CSTF2T: variants seen among roughly 807,000 people sequenced by gnomAD.
The protein encoded by CSTF2T is CF-1 64 kDa subunit tau.
CSTF2T carries 18 observed loss-of-function variants against 39.9 expected under a neutral mutation model. The ratio of observed to expected loss-of-function variants is 0.45; its 90% CI spans 0.31 to 0.67. CSTF2T has a LOEUF of 0.67. CSTF2T is among the 30% of genes least tolerant of loss of function. The probability of loss-of-function intolerance (pLI) is 0.06; values close to 1 mark genes in which losing one functional copy is unlikely to be tolerated. For missense variants in CSTF2T, 681 were observed against 789.0 expected (o/e 0.86, Z 1.64); for synonymous variants, 291 against 276.4 (o/e 1.05, Z -0.52).
rs1841346984 is a variant in CSTF2T, at chr10:51,697,977, C to G, written c.1573G>C (p.Gly525Arg). Residue 525 changes from glycine (G) to arginine (R), a missense_variant, in exon 1 of 1, where the codon GGA becomes CGA. Gly to Arg is a moderately radical substitution (Grantham distance 125, BLOSUM62 -2). This residue lies in a region of CSTF2T where 282 missense variants were observed against 289.2 expected (regional missense o/e 0.98). Transcript: ENST00000331173. ...GTGMQGAGIQ[G>R]GGMQGAGIQG... ...ATGCCTGCCCCCTGCATCCCTCCTC[C>G]TTGTATGCCTGCTCCCTGCATGCCT... 1 of 1,607,264 alleles carries G rather than the reference C, an allele frequency of 6.2e-7. No individual in the cohort carries two copies. The highest frequency in any genetic ancestry group is 8.5e-7 in the Non-Finnish European group (1 of 1,176,684).
Position 51,698,659 on chromosome 10 carries a change from T to G in CSTF2T, c.891A>C (p.Pro297=), listed in dbSNP as rs1316785292. 1 of 1,614,094 alleles carries G rather than the reference T, an allele frequency of 6.2e-7. No homozygotes were observed. The highest frequency in any genetic ancestry group is 8.5e-7 in the Non-Finnish European group (1 of 1,180,040). The change falls in exon 1 of 1, where the codon CCA becomes CCC. Residue 297 remains proline, a synonymous_variant. Coordinates refer to ENST00000331173, the MANE Select transcript of CSTF2T (RefSeq NM_015235.3). The part of the protein sequence containing the change: ...QPQLGMPGVG[P]VPLERGQVQM... The stretch of plus-strand genomic sequence containing the variant: ...GCACTTGTCCCCGCTCTAAAGGCAC[T>G]GGGCCAACCCCTGGCATTCCAAGTT...
rs770916281 is a variant in CSTF2T, at chr10:51,698,979, G to A, written c.571C>T (p.Leu191=). Residue 191 remains leucine (L), a synonymous_variant, in exon 1 of 1, where the codon CTG becomes TTG. Coordinates refer to ENST00000331173, the MANE Select transcript of CSTF2T (RefSeq NM_015235.3). ...GGTGTGACATGTATCTTCCGATGCA[G>A]AATTTTCAGAGCAATCTCTGGATCC... ...IMDPEIALKI[L]HRKIHVTPLI... is the part of the protein sequence containing the mutation. The A allele has an allele frequency of 1.2e-5, 19 of 1,614,134 alleles. No homozygotes were observed. The highest frequency in any genetic ancestry group is 1.6e-5 in the Non-Finnish European group (19 of 1,180,054).
Position 51,698,947 on chromosome 10 carries a change from G to C in CSTF2T, c.603C>G (p.Ile201Met). The change falls in exon 1 of 1, where the codon ATC becomes ATG. Residue 201 changes from isoleucine (I) to methionine (M), a missense_variant. Around this residue, in one of 4 missense-constraint regions of CSTF2T, gnomAD observed 329 missense variants for 344.1 expected, o/e 0.96. Transcript: ENST00000331173. ...LHRKIHVTPLIPGKSQSVSVS... is the reference protein window; with the variant it reads ...LHRKIHVTPLMPGKSQSVSVS... ...CAGACACAGACTGAGATTTGCCTGG[G>C]ATCAGTGGTGTGACATGTATCTTCC... The C allele has an allele frequency of 6.2e-7, 1 of 1,614,242 alleles. No homozygotes were observed. Among genetic ancestry groups the C allele is most frequent in the Non-Finnish European group, 8.5e-7 (1 of 1,180,044 alleles).
chr10:51,698,724 C>A lies in CSTF2T; in HGVS notation c.826G>T (p.Gly276Cys). Reference protein sequence around the residue: ...GPIPAAVPGAGPGSLTPGGAM... With the variant: ...GPIPAAVPGACPGSLTPGGAM... ...CCTCCAGGAGTTAAGGAACCAGGAC[C>A]AGCTCCGGGAACTGCAGCTGGTATT... Residue 276 changes from glycine (G) to cysteine (C), a missense_variant, in exon 1 of 1, where the codon GGT becomes TGT. Around this residue, in one of 4 missense-constraint regions of CSTF2T, gnomAD observed 329 missense variants for 344.1 expected, o/e 0.96. Coordinates refer to ENST00000331173, the MANE Select transcript of CSTF2T (RefSeq NM_015235.3). 6.2e-7 allele frequency: 1 copy of A among 1,614,194 alleles called. No individual in the cohort carries two copies. Among genetic ancestry groups the A allele is most frequent in the Non-Finnish European group, 8.5e-7 (1 of 1,180,030 alleles).
rs753137311 is a variant in CSTF2T, at chr10:51,698,477, G to A, written c.1073C>T (p.Pro358Leu). ...ATGATGCATGGGGGGACCCTGATGG[G>A]GTGGACCCAGATAACCTCTGGGCTC... ...EVEPRGYLGP[P>L]HQGPPMHHAS... is the part of the protein sequence containing the mutation. The change falls in exon 1 of 1, where the codon CCC becomes CTC. Residue 358 changes from proline (P) to leucine (L), a missense_variant. Around this residue, in one of 4 missense-constraint regions of CSTF2T, gnomAD observed 329 missense variants for 344.1 expected, o/e 0.96. Transcript: ENST00000331173. 2.5e-6 allele frequency: 4 copies of A among 1,613,952 alleles called. No individual in the cohort carries two copies. Among genetic ancestry groups the A allele is most frequent in the African/African-American group, 2.7e-5 (2 of 74,926 alleles).
At position 51,698,098 on chromosome 10, in the gene CSTF2T, C is replaced by T. The variant is rs1382377739; in HGVS notation, c.1452G>A (p.Gly484=). The T allele has an allele frequency of 3.1e-6, 5 of 1,613,946 alleles. No individual in the cohort carries two copies. The Admixed American group carries it at 5.0e-5, about 16-fold the overall frequency. The stretch of plus-strand genomic sequence containing the variant: ...TGGGTCCCTGAGGAGGGCCACCTGC[C>T]CCTATATTAATGGGACCAGGACCCT... ...GIQGPGPINI[G]AGGPPQGPRQ... The change falls in exon 1 of 1, where the codon GGG becomes GGA. Residue 484 remains glycine, a synonymous_variant. Transcript: ENST00000331173.
Position 51,697,931 on chromosome 10 carries a change from C to T in CSTF2T, c.1619G>A (p.Gly540Glu). 3 of 1,599,914 alleles carry T rather than the reference C, an allele frequency of 1.9e-6. No homozygotes were observed. The highest frequency in any genetic ancestry group is 2.6e-6 in the Non-Finnish European group (3 of 1,172,786). The stretch of plus-strand genomic sequence containing the variant: ...TATACCTCCTCCTTGTATACCTCCT[C>T]CTTGTATACTGACTCCTTGTATGCC... Reference protein sequence around the residue: ...GAGIQGVSIQGGGIQGGGIQG... With the variant: ...GAGIQGVSIQEGGIQGGGIQG... Residue 540 changes from glycine to glutamate, a missense_variant, in exon 1 of 1, where the codon GGA becomes GAA. Transcript: ENST00000331173.
In CSTF2T at chr10:51,698,711, A is replaced by G; in HGVS notation, c.839T>C (p.Leu280Ser). Residue 280 changes from leucine (L) to serine (S), a missense_variant, in exon 1 of 1, where the codon TTA becomes TCA. Physicochemically the swap from Leu to Ser is moderately radical, Grantham distance 145. Coordinates refer to ENST00000331173, the MANE Select transcript of CSTF2T (RefSeq NM_015235.3). ...AAVPGAGPGS[L>S]TPGGAMQPQL... ...GGGCTGCATTGCTCCTCCAGGAGTT[A>G]AGGAACCAGGACCAGCTCCGGGAAC... The G allele has an allele frequency of 1.9e-6, 3 of 1,614,202 alleles. No individual in the cohort carries two copies. The highest frequency in any genetic ancestry group is 2.5e-6 in the Non-Finnish European group (3 of 1,180,036).
rs1841379791 is a variant in CSTF2T at position 51,698,795 on chromosome 10, G to A, written c.755C>T (p.Pro252Leu). ...ACCCTGGATAGGAGTCTGCATCAGA[G>A]GAGGAATGTCCTTCACAGGTCTTCT... Reference protein sequence around the residue: ...LARRPVKDIPPLMQTPIQGGI... With the variant: ...LARRPVKDIPLLMQTPIQGGI... The change falls in exon 1 of 1, where the codon CCT (proline) becomes CTT (leucine). Residue 252 changes from proline (P) to leucine (L), a missense_variant. Pro to Leu is a moderately conservative substitution (Grantham distance 98, BLOSUM62 -3). Transcript: ENST00000331173. 1.2e-6 allele frequency: 2 copies of A among 1,614,194 alleles called. No homozygotes were observed. Among genetic ancestry groups the A allele is most frequent in the Non-Finnish European group, 1.7e-6 (2 of 1,180,052 alleles).
Position 51,699,451 on chromosome 10 carries a change from C to T in CSTF2T, c.99G>A (p.Lys33=). Residue 33 remains lysine, a synonymous_variant, in exon 1 of 1, where the codon AAG becomes AAA. Coordinates refer to ENST00000331173, the MANE Select transcript of CSTF2T (RefSeq NM_015235.3). The part of the protein sequence containing the change: ...IPYEATEEQL[K]DIFSEVGSVV... ...CAGAACCAACCTCCGAGAAAATGTC[C>T]TTTAACTGCTCCTCAGTTGCCTCAT... The T allele has an allele frequency of 6.2e-7, 1 of 1,614,036 alleles. No individual in the cohort carries two copies. Among genetic ancestry groups the T allele is most frequent in the East Asian group, 2.2e-5 (1 of 44,850 alleles).
In CSTF2T at chr10:51,699,024, G is replaced by A; in HGVS notation, c.526C>T (p.Gln176Ter). ...PQLAYALLQA[Q>*]VVMRIMDPEI... ...GGATCCATGATTCTCATCACTACTTGTGCCTGCAACAGTGCATAAGCCAGT... is the reference window on the plus strand; with the variant it reads ...GGATCCATGATTCTCATCACTACTTATGCCTGCAACAGTGCATAAGCCAGT... The change falls in exon 1 of 1, where the codon CAA becomes TAA. Residue 176 changes from glutamine (Q) to a stop codon, truncating the protein, a stop_gained. Transcript: ENST00000331173. LOFTEE classifies it high-confidence loss of function. 2 of 1,614,210 alleles carry A rather than the reference G, an allele frequency of 1.2e-6. No homozygotes were observed. The highest frequency in any genetic ancestry group is 1.7e-6 in the Non-Finnish European group (2 of 1,180,048).
chr10:51,697,674 A>T lies in CSTF2T; in HGVS notation c.*25T>A. 3.7e-6 allele frequency: 6 copies of T among 1,609,772 alleles called. No individual in the cohort carries two copies. Among genetic ancestry groups the T allele is most frequent in the Non-Finnish European group, 4.2e-6 (5 of 1,177,838 alleles). Reference sequence around the variant, plus strand: ...ATGCTACAGAATAAAATTTGAGACTACAGCCAAATATTTTCTAAAACCTTT... The same window carrying T: ...ATGCTACAGAATAAAATTTGAGACTTCAGCCAAATATTTTCTAAAACCTTT... On this transcript the variant is annotated 3_prime_UTR_variant, in exon 1 of 1. Transcript: ENST00000331173.
chr10:51,697,518 C>A lies in CSTF2T; in HGVS notation c.*181G>T, dbSNP rs961162425. The A allele has an allele frequency of 8.0e-6, 5 of 625,978 alleles. No individual in the cohort carries two copies. In the Admixed American group the frequency reaches 1.2e-4, roughly 16 times the overall value. The allele number at this position is 625,978 out of a possible 1,614,324, so 38.8% of individuals were successfully genotyped here. A position where few individuals can be genotyped will look rare whatever the true frequency, so the allele number is the denominator to read the frequency against. On this transcript the variant is annotated 3_prime_UTR_variant, in exon 1 of 1. Transcript: ENST00000331173. ...GAACAGACGCACTCCCTCCTCCCCCCACCCTCAATTAAAAAAAAAAGGAAA... is the reference window on the plus strand; with the variant it reads ...GAACAGACGCACTCCCTCCTCCCCCAACCCTCAATTAAAAAAAAAAGGAAA...
Position 51,698,860 on chromosome 10 carries a change from G to C in CSTF2T, c.690C>G (p.Asn230Lys). 6.2e-7 allele frequency: 1 copy of C among 1,614,140 alleles called. No individual in the cohort carries two copies. Among genetic ancestry groups the C allele is most frequent in the Non-Finnish European group, 8.5e-7 (1 of 1,180,012 alleles). ...GCTGAGGAGCTGGAGGATTCTGCTGGTTCAGCAGAACATTAGGTCCTGGGC... is the reference window on the plus strand; with the variant it reads ...GCTGAGGAGCTGGAGGATTCTGCTGCTTCAGCAGAACATTAGGTCCTGGGC... Reference protein sequence around the residue: ...GLCPGPNVLLNQQNPPAPQPQ... With the variant: ...GLCPGPNVLLKQQNPPAPQPQ... The change falls in exon 1 of 1, where the codon AAC becomes AAG. Residue 230 changes from asparagine (N) to lysine (K), a missense_variant. By Grantham distance (94) the Asn-to-Lys change is moderately conservative (BLOSUM62 0). Around this residue, in one of 4 missense-constraint regions of CSTF2T, gnomAD observed 329 missense variants for 344.1 expected, o/e 0.96. Coordinates refer to ENST00000331173, the MANE Select transcript of CSTF2T (RefSeq NM_015235.3).
Position 51,698,932 on chromosome 10 carries a change from C to G in CSTF2T, c.618G>C (p.Gln206His). ...GGCCAGGGCCAGAGACAGACACAGA[C>G]TGAGATTTGCCTGGGATCAGTGGTG... Reference protein sequence around the residue: ...HVTPLIPGKSQSVSVSGPGPG... With the variant: ...HVTPLIPGKSHSVSVSGPGPG... Residue 206 changes from glutamine (Q) to histidine (H), a missense_variant, in exon 1 of 1, where the codon CAG becomes CAC. Gln to His is a conservative substitution (Grantham distance 24, BLOSUM62 0). This residue lies in a region of CSTF2T where 329 missense variants were observed against 344.1 expected (regional missense o/e 0.96). Coordinates refer to ENST00000331173, the MANE Select transcript of CSTF2T (RefSeq NM_015235.3). 1 of 1,614,234 alleles carries G rather than the reference C, an allele frequency of 6.2e-7. No individual in the cohort carries two copies. Among genetic ancestry groups the G allele is most frequent in the Middle Eastern group, 1.6e-4 (1 of 6,062 alleles).
rs1224414739 is a variant in CSTF2T, at chr10:51,695,661, A to G, written c.*2038T>C. 6.6e-6 allele frequency: 1 copy of G among 152,240 alleles called. No homozygotes were observed. Among genetic ancestry groups the G allele is most frequent in the African/African-American group, 2.4e-5 (1 of 41,464 alleles). The allele number at this position is 152,240 out of a possible 1,614,324, so 9.4% of individuals were successfully genotyped here. On this transcript the variant is annotated 3_prime_UTR_variant, in exon 1 of 1. Coordinates refer to ENST00000331173, the MANE Select transcript of CSTF2T (RefSeq NM_015235.3). ...TTAGTATTAAGCATAACTATCACATATGTAAACGCGAGTTATCCTCTCCAA... is the reference window on the plus strand; with the variant it reads ...TTAGTATTAAGCATAACTATCACATGTGTAAACGCGAGTTATCCTCTCCAA...
rs575311852 is a variant in CSTF2T, at chr10:51,698,890, C to CCCAGGG, written c.654_659dup (p.Pro219_Gly220dup). 362 of 1,613,934 alleles carry CCCAGGG rather than the reference C, an allele frequency of 2.2e-4. No homozygotes were observed. Among genetic ancestry groups the CCCAGGG allele is most frequent in the South Asian group, 1.1e-3 (100 of 91,076 alleles). ...GCAGAACATTAGGTCCTGGGCAGAGCCCAGGGCCAGGGCCAGGGCCAGGGC... is the reference window on the plus strand; with the variant it reads ...GCAGAACATTAGGTCCTGGGCAGAGCCCAGGGCCAGGGCCAGGGCCAGGGCCAGGGC... On this transcript the variant is annotated inframe_insertion, in exon 1 of 1. Coordinates refer to ENST00000331173, the MANE Select transcript of CSTF2T (RefSeq NM_015235.3).
chr10:51,698,459 A>C lies in CSTF2T; in HGVS notation c.1091T>G (p.Met364Arg). ...AGTGTCATGACCAGAGGCATGATGC[A>C]TGGGGGGACCCTGATGGGGTGGACC... ...YLGPPHQGPP[M>R]HHASGHDTRG... The change falls in exon 1 of 1, where the codon ATG (methionine) becomes AGG (arginine). Residue 364 changes from methionine (M) to arginine (R), a missense_variant. This residue lies in a region of CSTF2T where 329 missense variants were observed against 344.1 expected (regional missense o/e 0.96). Coordinates refer to ENST00000331173, the MANE Select transcript of CSTF2T (RefSeq NM_015235.3). The C allele has an allele frequency of 6.2e-7, 1 of 1,614,126 alleles. No individual in the cohort carries two copies. Among genetic ancestry groups the C allele is most frequent in the South Asian group, 1.1e-5 (1 of 91,078 alleles).
At position 51,698,748 on chromosome 10, in the gene CSTF2T, T is replaced by C; in HGVS notation, c.802A>G (p.Ile268Val). ...IQGGIPAPGP[I>V]PAAVPGAGPG... ...CCAGCTCCGGGAACTGCAGCTGGTA[T>C]TGGCCCTGGAGCTGGAATTCCACCC... The change falls in exon 1 of 1, where the codon ATA (isoleucine) becomes GTA (valine). Residue 268 changes from isoleucine to valine, a missense_variant. Around this residue, in one of 4 missense-constraint regions of CSTF2T, gnomAD observed 329 missense variants for 344.1 expected, o/e 0.96. Coordinates refer to ENST00000331173, the MANE Select transcript of CSTF2T (RefSeq NM_015235.3). The C allele has an allele frequency of 6.2e-7, 1 of 1,614,192 alleles. No individual in the cohort carries two copies. The highest frequency in any genetic ancestry group is 1.3e-5 in the African/African-American group (1 of 75,064).
Sources: allele counts gnomAD v4.1 joint callset, GRCh38; gene constraint gnomAD v4.1.1; regional missense constraint gnomAD v4.1.1; transcripts MANE v1.5; gene names NCBI Gene and HGNC (gene_info 2026-07-23, HGNC 2026-07-21).